The following FGFR1 variants were observed in gnomAD, a reference collection of about 807,000 sequenced individuals.
The protein encoded by FGFR1 is FGFR1/PLAG1 fusion.
In FGFR1, 18 loss-of-function variants were observed where a neutral mutation model predicts 93.7. The observed-to-expected ratio is 0.19, with a 90% CI of 0.13 to 0.28. The LOEUF is 0.28. FGFR1 is among the 10% of genes least tolerant of loss of function. The pLI, the probability that FGFR1 is intolerant of heterozygous loss-of-function variation, is 1.00. For missense variants in FGFR1, 731 were observed against 1,080.4 expected (o/e 0.68, Z 4.53); for synonymous variants, 448 against 429.3 (o/e 1.04, Z -0.54).
At chr8:38,450,920 T>C (rs1302077202) in intron 2 of FGFR1, among the ~76,000 whole-genome samples, 3 of 152,110 alleles carry the variant, frequency 2.0e-5, no homozygotes, top group African/African-American at 7.2e-5. Context: ...GTGAGCGTCC[T>C]CACATTCTCT....
chr8:38,419,827 C>T (rs1818080507), intron 8 of FGFR1, 92 bp from the exon 9 acceptor site: 1 of 1,115,386 alleles, frequency 9.0e-7, no homozygotes, highest in South Asian at 1.4e-5. Context: ...TGTCTCCTGT[C>T]CCCTGGGAAC....
rs571590730 is a variant in FGFR1 at position 38,440,893 on chromosome 8, G to A, written c.92-10945C>T. On this transcript the variant is annotated intron_variant, in intron 2 of 17. Transcript: ENST00000447712. ...AGGCCCAGGCAGCCCGGCTAATCCT[G>A]ACAGGAAGCCATGGCCATTCAGCAG... 2.6e-5 allele frequency among the ~76,000 whole-genome samples: 4 copies of A among 152,294 alleles called. No homozygotes were observed. In the South Asian group the frequency reaches 8.3e-4, roughly 32 times the overall value.
At position 38,419,766 on chromosome 8, in the gene FGFR1, C is replaced by T. The variant is rs770049612; in HGVS notation, c.1082-31G>A. 16 of 1,598,392 alleles carry T rather than the reference C, an allele frequency of 1.0e-5. No individual in the cohort carries two copies. The South Asian group carries it at 1.8e-4, about 18-fold the overall frequency. On this transcript the variant is annotated intron_variant, in intron 8 of 17. Transcript: ENST00000447712. ...TCAGTGCGAACAGGGTGTTAGCAGGCTTGGAGGGCCCCGTCCATGCGAGGT... is the reference window on the plus strand; with the variant it reads ...TCAGTGCGAACAGGGTGTTAGCAGGTTTGGAGGGCCCCGTCCATGCGAGGT...
intron 7 of FGFR1, chr8:38,422,404 C>T (rs932611832): frequency 1.4e-5 from 5 of 364,360 alleles, no homozygotes; most frequent in Non-Finnish European, 2.6e-5. Context: ...AATGCCTAAC[C>T]CCTTCTCTCT....
At chr8:38,434,612 C>A in intron 2 of FGFR1, 1 of 241,752 alleles carries the variant, frequency 4.1e-6, no homozygotes, top group Admixed American at 4.1e-5. Flanking sequence ...CATTCTTTTC[C>A]TTTCCTCCTC....
chr8:38,424,100 T>C lies in FGFR1; in HGVS notation c.936+409A>G, dbSNP rs1049996581. On this transcript the variant is annotated intron_variant, in intron 7 of 17. Transcript: ENST00000447712. This position sits in a 1 kb window ranked among gnomAD's most constrained non-coding sequence, Gnocchi z 4.3. Reference sequence around the variant, plus strand: ...CAACTCTTCGTAAGAGATGCTCTTATCATGCACCCCATTTGCCAGAAAGAT... The same window carrying C: ...CAACTCTTCGTAAGAGATGCTCTTACCATGCACCCCATTTGCCAGAAAGAT... The C allele has an allele frequency of 2.4e-5, 8 of 340,122 alleles. No homozygotes were observed. The highest frequency in any genetic ancestry group is 4.1e-5 in the Non-Finnish European group (7 of 172,518). 21.1% of individuals were successfully genotyped at this position (340,122 alleles called of 1,614,324 possible). A position where few individuals can be genotyped will look rare whatever the true frequency, so the allele number is the denominator to read the frequency against.
chr8:38,461,620 A>G (rs965491277), intron 1 of FGFR1, among the ~76,000 whole-genome samples: 3 of 152,070 alleles, frequency 2.0e-5, no homozygotes, highest in Admixed American at 2.0e-4. Flanking sequence ...GGGTCTTTTT[A>G]TTCTTGTCCG....
chr8:38,459,575 T>TAGAACTATAGTGAGGAATTAATTC (rs1833855243), intron 1 of FGFR1, among the ~76,000 whole-genome samples: 1 of 152,228 alleles, frequency 6.6e-6, no homozygotes, highest in Admixed American at 6.5e-5. Context: ...AGAATTAATT[T>TAGAACTATAGTGAGGAATTAATTC]AGAACTATAG....
chr8:38,430,680 G>A (rs1289145343), intron 2 of FGFR1: 1 of 152,334 alleles, frequency 6.6e-6, no homozygotes, highest in Non-Finnish European at 1.5e-5. Flanking sequence ...CTGGCAGCAG[G>A]AGCTGTCGCA....
intron 2 of FGFR1, among the ~76,000 whole-genome samples, chr8:38,444,040 T>G (rs1586598247): frequency 1.7e-5 from 1 of 57,304 alleles, no homozygotes; most frequent in Non-Finnish European, 3.1e-5. Context: ...GCAACAAGAA[T>G]GAAACTGTCT....
At chr8:38,457,624 G>T in intron 1 of FGFR1, 90 bp from the exon 2 acceptor site, 1 of 1,331,960 alleles carries the variant, frequency 7.5e-7, no homozygotes, top group South Asian at 1.3e-5. Flanking sequence ...CCATGTGGTG[G>T]CTGCTTAAAG....
intron 10 of FGFR1, 109 bp downstream of exon 10, chr8:38,418,119 G>T (rs1005835336): frequency 6.2e-7 from 1 of 1,603,640 alleles, no homozygotes; most frequent in Non-Finnish European, 8.5e-7. Flanking sequence ...GTTTCTGCAG[G>T]CATTTCATGA....
intron 2 of FGFR1, among the ~76,000 whole-genome samples, chr8:38,453,259 T>G (rs550738389): frequency 4.2e-4 from 64 of 152,322 alleles, no homozygotes; most frequent in Admixed American, 1.4e-3. Flanking sequence ...TTTCCGTTGC[T>G]GTGTCCCATG....
chr8:38,463,187 T>C (rs1436989335), intron 1 of FGFR1: 2 of 164,566 alleles, frequency 1.2e-5, no homozygotes, highest in Non-Finnish European at 2.7e-5. Flanking sequence ...ATTACAGGCA[T>C]GAGCCACTGT....
intron 1 of FGFR1, chr8:38,466,764 G>A (rs1263081777): frequency 4.8e-6 from 1 of 207,332 alleles, no homozygotes; most frequent in Non-Finnish European, 9.8e-6. Flanking sequence ...GGGGTGAAAC[G>A]GAACCAGATG....
In FGFR1 at chr8:38,414,779, G is replaced by A. The variant is rs1296971200; in HGVS notation, c.1977C>T (p.Asn659=). The A allele has an allele frequency of 2.5e-6, 4 of 1,614,096 alleles. No homozygotes were observed. In the African/African-American group the frequency reaches 4.0e-5, roughly 16 times the overall value. ...ACAGGGCGGCCTTGTCGGCACTCAC[G>A]TTGGTTGTCTTTTTATAGTAGTCGA... ...HHIDYYKKTT[N]GRLPVKWMAP... Residue 659 remains asparagine, a splice_region_variant and synonymous_variant, in exon 14 of 18, where the codon AAC becomes AAT. Coordinates refer to ENST00000447712, the MANE Select transcript of FGFR1 (RefSeq NM_023110.3).
At position 38,429,823 on chromosome 8, in the gene FGFR1, G is replaced by A. The variant is rs2150961527; in HGVS notation, c.217C>T (p.Leu73=). 1 of 1,613,884 alleles carries A rather than the reference G, an allele frequency of 6.2e-7. No individual in the cohort carries two copies. Among genetic ancestry groups the A allele is most frequent in the Non-Finnish European group, 8.5e-7 (1 of 1,179,940 alleles). The change falls in exon 3 of 18, where the codon CTG becomes TTG. Residue 73 remains leucine (L), a synonymous_variant. Transcript: ENST00000447712. This position sits in a 1 kb window ranked among gnomAD's most constrained non-coding sequence, Gnocchi z 4.4. ...SINWLRDGVQ[L]AESNRTRITG... ...ATGCGGGTGCGGTTGCTTTCCGCCAGCTGCACCCCGTCCCGCAGCCAGTTG... is the reference window on the plus strand; with the variant it reads ...ATGCGGGTGCGGTTGCTTTCCGCCAACTGCACCCCGTCCCGCAGCCAGTTG...
rs1820015848 is a variant in FGFR1 at position 38,424,477 on chromosome 8, G to A, written c.936+32C>T. On this transcript the variant is annotated intron_variant, in intron 7 of 17. Transcript: ENST00000447712. This position sits in a 1 kb window ranked among gnomAD's most constrained non-coding sequence, Gnocchi z 4.3. ...CGAGACAGTGGTCTCCTTCCCAGTA[G>A]ACTGGCCCACGAAGACTGGTGCCAT... is the stretch of plus-strand genomic sequence containing the variant. The A allele has an allele frequency of 1.2e-6, 2 of 1,613,082 alleles. No homozygotes were observed. Among genetic ancestry groups the A allele is most frequent in the Non-Finnish European group, 1.7e-6 (2 of 1,179,190 alleles).
At chr8:38,461,047 G>C (rs570882004) in intron 1 of FGFR1, 1 of 1,534,890 alleles carries the variant, frequency 6.5e-7, no homozygotes, top group Admixed American at 2.0e-5. Context: ...GGAGCAGAGA[G>C]GGGGCACATC....
Sources: allele counts gnomAD v4.1 joint callset (sites outside exome capture counted in the v4.1 genomes callset), GRCh38; gene constraint gnomAD v4.1.1; non-coding constraint Gnocchi (gnomAD v3.1); transcripts MANE v1.5; gene names NCBI Gene and HGNC (gene_info 2026-07-23, HGNC 2026-07-21).